Variants in SLC12A5 observed in about 807,000 individuals in gnomAD.
SLC12A5 encodes the protein K-Cl cotransporter 2.
Under a neutral mutation model 124.0 loss-of-function variants are expected in SLC12A5, and 18 were observed. That is an observed-to-expected ratio of 0.15 (90% CI 0.10 to 0.22). The LOEUF (loss-of-function observed/expected upper bound fraction) is 0.22. Among genes scored for constraint, SLC12A5 ranks in the 10% least tolerant of loss-of-function variants. SLC12A5 has a pLI of 1.00. For synonymous variants in SLC12A5, 589 were observed against 568.0 expected, an observed-to-expected ratio of 1.04 and a Z score of -0.53; for missense variants, 867 against 1,478.7, an observed-to-expected ratio of 0.59 and a Z score of 6.78.
rs752901926 is a variant in SLC12A5, at chr20:46,047,513, A to G, written c.1847A>G (p.Tyr616Cys). The change falls in exon 15 of 26, where the codon TAT (tyrosine) becomes TGT (cysteine). Residue 616 changes from tyrosine (Y) to cysteine (C), a missense_variant. By Grantham distance (194) the Tyr-to-Cys change is radical. Transcript: ENST00000243964. ...GCCCTCATGTTCATCTGCTCCTGGT[A>G]TTATGCACTGGTAGCCATGCTCATT... ...CLALMFICSW[Y>C]YALVAMLIAG... The G allele has an allele frequency of 6.2e-7, 1 of 1,613,964 alleles. No homozygotes were observed. Among genetic ancestry groups the G allele is most frequent in the Non-Finnish European group, 8.5e-7 (1 of 1,179,940 alleles).
Position 46,043,689 on chromosome 20 carries a change from C to T in SLC12A5, c.1294C>T (p.Pro432Ser). 10 of 1,614,122 alleles carry T rather than the reference C, an allele frequency of 6.2e-6. No individual in the cohort carries two copies. Among genetic ancestry groups the T allele is most frequent in the Non-Finnish European group, 7.6e-6 (9 of 1,179,994 alleles). ...CCTGAGGGATGCCCAGAAGTCAATC[C>T]CCACTGGCACCATCCTGGCCATCGC... ...GDLRDAQKSI[P>S]TGTILAIATT... Residue 432 changes from proline (P) to serine (S), a missense_variant, in exon 10 of 26, where the codon CCC (proline) becomes TCC (serine). Pro to Ser is a moderately conservative substitution (Grantham distance 74). Around this residue, in one of 9 missense-constraint regions of SLC12A5, gnomAD observed 152 missense variants for 358.7 expected, o/e 0.42. Transcript: ENST00000243964.
chr20:46,041,882 C>T (rs1189756065), intron 8 of SLC12A5, among the ~76,000 whole-genome samples: 1 of 151,842 alleles, frequency 6.6e-6, no homozygotes, highest in Non-Finnish European at 1.5e-5. Context: ...ATAGCAAATA[C>T]ATTATGCCAT....
exon 2 of SLC12A5, chr20:46,022,995 GGAGGAGGAA>G (rs1242142226): frequency 7.4e-6 from 3 of 404,718 alleles, no homozygotes; most frequent in Non-Finnish European, 1.3e-5. Context: ...AGGAGGAAGA[GGAGGAGGAA>G]GAGGAGGAGG....
chr20:46,046,495 C>A, intron 14 of SLC12A5, 59 bp downstream of exon 14: 1 of 1,459,370 alleles, frequency 6.9e-7, no homozygotes. Context: ...CGCCAATCCT[C>A]ATCTTACTCC....
Position 46,057,038 on chromosome 20 carries a change from T to C in SLC12A5, c.3125+127T>C. On this transcript the variant is annotated intron_variant, in intron 24 of 25. Coordinates refer to ENST00000243964, the MANE Select transcript of SLC12A5 (RefSeq NM_020708.5). This position sits in a 1 kb window ranked among gnomAD's most constrained non-coding sequence, Gnocchi z 7.1. ...ATCTCTGAATAGCCTAGCCTGGAGATGTTTAGGATTGGTGGTCCTAGGCTT... is the reference window on the plus strand; with the variant it reads ...ATCTCTGAATAGCCTAGCCTGGAGACGTTTAGGATTGGTGGTCCTAGGCTT... The C allele has an allele frequency of 1.3e-6, 2 of 1,582,870 alleles. No homozygotes were observed. The highest frequency in any genetic ancestry group is 1.7e-6 in the Non-Finnish European group (2 of 1,153,980).
At chr20:46,023,823 C>A (rs930701607), downstream of SLC12A5, among the ~76,000 whole-genome samples, 1 of 152,176 alleles carries the variant, frequency 6.6e-6, no homozygotes, top group Non-Finnish European at 1.5e-5. Flanking sequence ...AGGACAGGGA[C>A]CATCTCCTTT....
chr20:46,053,597 T>C lies in SLC12A5; in HGVS notation c.2567T>C (p.Met856Thr). Residue 856 changes from methionine (M) to threonine (T), a missense_variant, in exon 20 of 26, where the codon ATG becomes ACG. Around this residue, in one of 9 missense-constraint regions of SLC12A5, gnomAD observed 70 missense variants for 157.2 expected, o/e 0.45. Coordinates refer to ENST00000243964, the MANE Select transcript of SLC12A5 (RefSeq NM_020708.5). This position sits in a 1 kb window ranked among gnomAD's most constrained non-coding sequence, Gnocchi z 4.7. ...CTGCAGGTCTGGCGGAAGTGCAAGATGCGTATCTTCACTGTGGCCCAGATG... is the reference window on the plus strand; with the variant it reads ...CTGCAGGTCTGGCGGAAGTGCAAGACGCGTATCTTCACTGTGGCCCAGATG... ...RHHKVWRKCK[M>T]RIFTVAQMDD... 1 of 1,614,018 alleles carries C rather than the reference T, an allele frequency of 6.2e-7. No homozygotes were observed. The highest frequency in any genetic ancestry group is 8.5e-7 in the Non-Finnish European group (1 of 1,179,884).
chr20:46,042,537 G>A (rs148435798), intron 8 of SLC12A5, among the ~76,000 whole-genome samples: 1 of 152,080 alleles, frequency 6.6e-6, no homozygotes, highest in Admixed American at 6.6e-5. Context: ...CAAAACTGGA[G>A]GGGTGTACCT....
At chr20:46,055,855 A>G (rs1175554397) in intron 21 of SLC12A5, 1 of 372,458 alleles carries the variant, frequency 2.7e-6, no homozygotes. Context: ...AAAACATGGC[A>G]TGGTCACTGA....
intron 17 of SLC12A5, among the ~76,000 whole-genome samples, chr20:46,051,117 G>A (rs1317479202): frequency 6.6e-6 from 1 of 152,194 alleles, no homozygotes; most frequent in Non-Finnish European, 1.5e-5. Context: ...AACATTAGCT[G>A]TGTGTCCTTA....
At position 46,041,433 on chromosome 20, in the gene SLC12A5, T is replaced by G; in HGVS notation, c.959T>G (p.Leu320Arg). The change falls in exon 8 of 26, where the codon CTT becomes CGT. Residue 320 changes from leucine to arginine, a missense_variant. By Grantham distance (102) the Leu-to-Arg change is moderately radical. This residue lies in a region of SLC12A5 where 127 missense variants were observed against 164.1 expected (regional missense o/e 0.77). Transcript: ENST00000243964. Reference sequence around the variant, plus strand: ...ACGGTGACCACACGGCTATGGGGCCTTTTCTGCTCCTCTCGCTTCCTCAAC... The same window carrying G: ...ACGGTGACCACACGGCTATGGGGCCGTTTCTGCTCCTCTCGCTTCCTCAAC... ...NETVTTRLWGLFCSSRFLNAT... is the reference protein window; with the variant it reads ...NETVTTRLWGRFCSSRFLNAT... The G allele has an allele frequency of 6.2e-7, 1 of 1,614,084 alleles. No homozygotes were observed. Among genetic ancestry groups the G allele is most frequent in the Non-Finnish European group, 8.5e-7 (1 of 1,179,990 alleles).
chr20:46,045,068 G>T lies in SLC12A5; in HGVS notation c.1497G>T (p.Gly499=), dbSNP rs1471957997. 1 of 1,613,714 alleles carries T rather than the reference G, an allele frequency of 6.2e-7. No homozygotes were observed. Among genetic ancestry groups the T allele is most frequent in the East Asian group, 2.2e-5 (1 of 44,876 alleles). Residue 499 remains glycine, a synonymous_variant, in exon 12 of 26, where the codon GGG becomes GGT. Coordinates refer to ENST00000243964, the MANE Select transcript of SLC12A5 (RefSeq NM_020708.5). The surrounding 1 kb of genome is among the most constrained non-coding windows in gnomAD (Gnocchi z 4.9). ...IGSFFSTCGA[G]LQSLTGAPRL... is the part of the protein sequence containing the mutation. ...CCTTCTTCTCCACCTGTGGGGCTGG[G>T]CTGCAGAGCCTCACGGGGGCCCCAC... is the stretch of plus-strand genomic sequence containing the variant.
chr20:46,032,393 G>T (rs1001556650), intron 1 of SLC12A5, among the ~76,000 whole-genome samples: 1 of 152,254 alleles, frequency 6.6e-6, no homozygotes, highest in Non-Finnish European at 1.5e-5. Context: ...GCGGGGAAAT[G>T]GACCCAGCTC....
chr20:46,052,289 A>G (rs1024204400), intron 18 of SLC12A5, among the ~76,000 whole-genome samples: 8 of 152,248 alleles, frequency 5.3e-5, no homozygotes, highest in African/African-American at 1.9e-4. Flanking sequence ...CGTTTCTAGA[A>G]TGAGTTCTGT....
At position 46,036,742 on chromosome 20, in the gene SLC12A5, C is replaced by T. The variant is rs764963565; in HGVS notation, c.428C>T (p.Thr143Met). The T allele has an allele frequency of 1.2e-6, 2 of 1,613,774 alleles. No individual in the cohort carries two copies. Among genetic ancestry groups the T allele is most frequent in the Admixed American group, 1.7e-5 (1 of 60,008 alleles). Residue 143 changes from threonine (T) to methionine (M), a missense_variant and splice_region_variant, in exon 5 of 26, where the codon ACG becomes ATG. Physicochemically the swap from Thr to Met is moderately conservative, Grantham distance 81. Around this residue, in one of 9 missense-constraint regions of SLC12A5, gnomAD observed 126 missense variants for 291.6 expected, o/e 0.43. Transcript: ENST00000243964. The stretch of plus-strand genomic sequence containing the variant: ...CTCTGATGATCTCTTTCCTCACAGA[C>T]GATGCTCACGGCCATCTCCATGAGT... ...FCMVFICCSC[T>M]MLTAISMSAI...
chr20:46,052,531 G>GA (rs2084655426), intron 18 of SLC12A5, among the ~76,000 whole-genome samples: 2 of 152,340 alleles, frequency 1.3e-5, no homozygotes, highest in African/African-American at 4.8e-5. Flanking sequence ...CAGAGTAAAT[G>GA]AAAAAGAAGT....
At chr20:46,031,239 C>CTTCA (rs542124398) in intron 1 of SLC12A5, among the ~76,000 whole-genome samples, 144 of 152,302 alleles carry the variant, frequency 9.5e-4, no homozygotes, top group African/African-American at 3.2e-3. Flanking sequence ...TAGGAACTCG[C>CTTCA]TTCAGTTCTA....
At chr20:46,033,242 A>G (rs2084469075) in intron 1 of SLC12A5, among the ~76,000 whole-genome samples, 1 of 152,066 alleles carries the variant, frequency 6.6e-6, no homozygotes, top group Non-Finnish European at 1.5e-5. Context: ...AGATGGGGAG[A>G]AAGGGATGTC....
At chr20:46,022,828 TGG>T in intron 1 of SLC12A5, 1 of 399,252 alleles carries the variant, frequency 2.5e-6, no homozygotes, top group Non-Finnish European at 4.4e-6. Flanking sequence ...AGTAGCATCC[TGG>T]GCGCGTGCAC....
Sources: allele counts gnomAD v4.1 joint callset (sites outside exome capture counted in the v4.1 genomes callset), GRCh38; gene constraint gnomAD v4.1.1; regional missense constraint gnomAD v4.1.1; non-coding constraint Gnocchi (gnomAD v3.1); transcripts MANE v1.5; gene names NCBI Gene and HGNC (gene_info 2026-07-23, HGNC 2026-07-21).